CFAP210: variants seen among roughly 807,000 people sequenced by gnomAD.
CFAP210 encodes the protein cilia- and flagella- associated protein 210.
chr2:169,651,266 G>A, the CFAP210 span, among the ~76,000 whole-genome samples: 2,050 of 150,606 alleles, frequency 0.014, 22 homozygotes, highest in Middle Eastern at 0.052. Flanking sequence ...GCAGTGGCAC[G>A]GACCTGTAGT....
the CFAP210 span, among the ~76,000 whole-genome samples, chr2:169,682,593 T>C: frequency 6.6e-6 from 1 of 152,194 alleles, no homozygotes; most frequent in Non-Finnish European, 1.5e-5. Context: ...TGAGTCTTTG[T>C]CCCATGCTTG....
chr2:169,661,627 T>C, the CFAP210 span, among the ~76,000 whole-genome samples: 1 of 152,170 alleles, frequency 6.6e-6, no homozygotes, highest in East Asian at 1.9e-4. Context: ...AATCACCCCA[T>C]TCATTCCTCA....
the CFAP210 span, among the ~76,000 whole-genome samples, chr2:169,664,201 CA>C: frequency 0.05 from 7,536 of 149,902 alleles, 256 homozygotes; most frequent in Non-Finnish European, 0.078. Flanking sequence ...GTCTCAAAAA[CA>C]AAAAAAAAGA....
the CFAP210 span, chr2:169,654,290 C>A: frequency 7.8e-7 from 1 of 1,289,728 alleles, no homozygotes; most frequent in South Asian, 1.6e-5. Flanking sequence ...TAACAAGAAC[C>A]TGTCAAATGG....
At chr2:169,660,204 T>C in the CFAP210 span, among the ~76,000 whole-genome samples, 1 of 151,894 alleles carries the variant, frequency 6.6e-6, no homozygotes, top group Non-Finnish European at 1.5e-5. Context: ...CTGGCCAACA[T>C]GGTGAAATCT....
the CFAP210 span, among the ~76,000 whole-genome samples, chr2:169,669,871 G>C: frequency 6.6e-6 from 1 of 152,014 alleles, no homozygotes; most frequent in Non-Finnish European, 1.5e-5. Context: ...TTGAAATGGA[G>C]ATACCATGGA....
the CFAP210 span, among the ~76,000 whole-genome samples, chr2:169,667,135 CTTTTTTCTT>C: frequency 2.8e-4 from 34 of 120,314 alleles, 1 homozygote; most frequent in African/African-American, 1.0e-3. Context: ...CACAAATTTT[CTTTTTTCTT>C]TTTTTTTTTT....
the CFAP210 span, among the ~76,000 whole-genome samples, chr2:169,655,626 C>T: frequency 1.3e-5 from 2 of 152,136 alleles, no homozygotes; most frequent in Admixed American, 1.3e-4. Flanking sequence ...TTGATTAACA[C>T]AGAGTTAATT....
the CFAP210 span, among the ~76,000 whole-genome samples, chr2:169,675,455 G>C: frequency 1.3e-4 from 20 of 152,128 alleles, no homozygotes; most frequent in African/African-American, 4.8e-4. Flanking sequence ...AAGGCAAAGG[G>C]GGAGCAGGCA....
chr2:169,676,650 T>C, the CFAP210 span, among the ~76,000 whole-genome samples: 4 of 152,198 alleles, frequency 2.6e-5, no homozygotes, highest in Non-Finnish European at 5.9e-5. Context: ...TAGTCCATCA[T>C]ATAATTCTTC....
chr2:169,679,597 C>T, the CFAP210 span, among the ~76,000 whole-genome samples: 61,287 of 148,310 alleles, frequency 0.41, 12,771 homozygotes, highest in Non-Finnish European at 0.44. Context: ...AGGAGAATGG[C>T]GTGAACCCTG....
the CFAP210 span, among the ~76,000 whole-genome samples, chr2:169,663,415 G>T: frequency 6.6e-6 from 1 of 152,002 alleles, no homozygotes. Flanking sequence ...TGCCCAGGCT[G>T]GTCTCAAACT....
At chr2:169,677,717 T>C in the CFAP210 span, among the ~76,000 whole-genome samples, 18 of 152,172 alleles carry the variant, frequency 1.2e-4, no homozygotes, top group African/African-American at 4.1e-4. Flanking sequence ...TTCTAGCAAG[T>C]GCAGTAAGTC....
chr2:169,674,112 G>A, the CFAP210 span, among the ~76,000 whole-genome samples: 2 of 152,256 alleles, frequency 1.3e-5, no homozygotes, highest in South Asian at 4.1e-4. Flanking sequence ...TTTGGGTTAC[G>A]CTGTGTTTTT....
At chr2:169,692,282 A>C in the CFAP210 span, among the ~76,000 whole-genome samples, 1 of 152,116 alleles carries the variant, frequency 6.6e-6, no homozygotes, top group South Asian at 2.1e-4. Flanking sequence ...AATACCTGAG[A>C]CTCGGTAATT....
At chr2:169,653,029 A>AAATATATAT in the CFAP210 span, among the ~76,000 whole-genome samples, 1 of 39,954 alleles carries the variant, frequency 2.5e-5, no homozygotes, top group African/African-American at 1.2e-4. Context: ...AAAAAAAAAA[A>AAATATATAT]ATATATATAT....
chr2:169,656,436 GGAA>G, the CFAP210 span, among the ~76,000 whole-genome samples: 1 of 151,182 alleles, frequency 6.6e-6, no homozygotes, highest in African/African-American at 2.4e-5. Flanking sequence ...AGGAAGAGAA[GGAA>G]GAGGAGGAAG....
chr2:169,671,191 C>T, the CFAP210 span, among the ~76,000 whole-genome samples: 2 of 152,150 alleles, frequency 1.3e-5, no homozygotes, highest in Non-Finnish European at 2.9e-5. Context: ...TATACTACAG[C>T]CATCTTGACT....
the CFAP210 span, among the ~76,000 whole-genome samples, chr2:169,685,919 A>G: frequency 7.2e-4 from 110 of 152,296 alleles, no homozygotes; most frequent in African/African-American, 1.9e-3. Flanking sequence ...CCCACTTAGT[A>G]TAGATGTATG....
Sources: allele counts gnomAD v4.1 joint callset (sites outside exome capture counted in the v4.1 genomes callset), GRCh38; gene constraint gnomAD v4.1.1; transcripts MANE v1.5; gene names NCBI Gene and HGNC (gene_info 2026-07-23, HGNC 2026-07-21).